Variants in STK3 observed in about 807,000 individuals in gnomAD.
STK3 encodes the protein serine/threonine-protein kinase 3.
STK3 carries 41 observed loss-of-function variants against 58.0 expected under a neutral mutation model. The ratio of observed to expected loss-of-function variants is 0.71; its 90% confidence interval spans 0.55 to 0.92. STK3 has a LOEUF of 0.92. STK3 is among the 40% of genes least tolerant of loss of function. The pLI is 0.00. For synonymous variants in STK3, 170 were observed against 191.0 expected, an observed-to-expected ratio of 0.89 and a Z score of 0.91; for missense variants, 479 against 602.7, an observed-to-expected ratio of 0.79 and a Z score of 2.15.
At chr8:98,762,553 C>T (rs1417993869) in intron 3 of STK3, among the ~76,000 whole-genome samples, 3 of 152,216 alleles carry the variant, frequency 2.0e-5, no homozygotes, top group Admixed American at 6.5e-5. Flanking sequence ...GGCACCCGGC[C>T]GAGACCCATT....
chr8:98,894,151 CT>C lies in STK3; in HGVS notation c.-78-10318del, dbSNP rs919042157. ...TCTAAGCCTCAGACATGAGCCCCCA[CT>C]TTTTTTCCTCTCTCTTCTTTCCTTG... On this transcript the variant is annotated intron_variant, in intron 1 of 1. Transcript: ENST00000519420. 2.0e-4 allele frequency among the ~76,000 whole-genome samples: 30 copies of C among 152,286 alleles called. 1 individual carries two copies. Among genetic ancestry groups the C allele is most frequent in the African/African-American group, 7.2e-4 (30 of 41,574 alleles).
intron 3 of STK3, among the ~76,000 whole-genome samples, chr8:98,872,178 T>A (rs898050863): frequency 1.6e-4 from 24 of 152,244 alleles, no homozygotes; most frequent in Non-Finnish European, 1.3e-4. Flanking sequence ...CAGCCTTGCA[T>A]CCCAGGGGTG....
intron 1 of STK3, among the ~76,000 whole-genome samples, chr8:98,385,690 G>A (rs562741620): frequency 4.6e-5 from 7 of 152,250 alleles, no homozygotes; most frequent in East Asian, 1.9e-4. Context: ...TTCAGTGGGC[G>A]GGGGGAGATG....
chr8:98,704,789 G>T (rs1041089841), intron 6 of STK3, among the ~76,000 whole-genome samples: 1 of 152,098 alleles, frequency 6.6e-6, no homozygotes, highest in Admixed American at 6.5e-5. Context: ...TATTTGGTTG[G>T]AAAAATAAGA....
intron 1 of STK3, among the ~76,000 whole-genome samples, chr8:98,792,035 G>T (rs1245640682): frequency 1.3e-5 from 2 of 152,144 alleles, no homozygotes; most frequent in Non-Finnish European, 2.9e-5. Flanking sequence ...CCCATAGAGT[G>T]GGAGAAAATC....
chr8:98,510,719 G>C (rs1484331369), intron 10 of STK3, among the ~76,000 whole-genome samples: 1 of 152,024 alleles, frequency 6.6e-6, no homozygotes, highest in Non-Finnish European at 1.5e-5. Flanking sequence ...GCTGGGAACA[G>C]GAAAAATGCT....
chr8:98,550,362 T>C (rs959908680), intron 8 of STK3, among the ~76,000 whole-genome samples: 1 of 152,092 alleles, frequency 6.6e-6, no homozygotes, highest in Admixed American at 6.5e-5. Context: ...AATCCTGAAA[T>C]CTTCCTATGT....
At chr8:98,811,596 TAA>T (rs567178137) in intron 1 of STK3, among the ~76,000 whole-genome samples, 2,441 of 140,496 alleles carry the variant, frequency 0.017, 65 homozygotes, top group African/African-American at 0.059. Flanking sequence ...TGAATACTGT[TAA>T]AAAAAAAAAA....
chr8:98,781,368 A>G (rs1832076681), intron 1 of STK3, among the ~76,000 whole-genome samples: 1 of 152,198 alleles, frequency 6.6e-6, no homozygotes. Context: ...ATCTATCTAG[A>G]GGTTTCCATG....
intron 8 of STK3, among the ~76,000 whole-genome samples, chr8:98,571,314 G>C (rs1248965153): frequency 6.6e-6 from 1 of 152,054 alleles, no homozygotes; most frequent in Non-Finnish European, 1.5e-5. Flanking sequence ...CTGGGCGAGA[G>C]AGTGAGACTC....
chr8:98,757,166 T>C (rs1056283130), intron 3 of STK3, among the ~76,000 whole-genome samples: 1 of 152,040 alleles, frequency 6.6e-6, no homozygotes, highest in East Asian at 2.0e-4. Context: ...CCTCATGATA[T>C]GTGAGTAATA....
chr8:98,694,513 A>G (rs575372597), intron 6 of STK3, among the ~76,000 whole-genome samples: 2 of 152,180 alleles, frequency 1.3e-5, no homozygotes, highest in Admixed American at 1.3e-4. Context: ...CCCGCACCCC[A>G]GAACAGTCCC....
At chr8:98,782,573 GC>G in intron 1 of STK3, 2 of 302,226 alleles carry the variant, frequency 6.6e-6, no homozygotes, top group Non-Finnish European at 6.7e-6. Flanking sequence ...GCGCCTCCAG[GC>G]CAAGAAGGAA....
At chr8:98,926,555 A>C (rs1839806179) in intron 1 of STK3, among the ~76,000 whole-genome samples, 1 of 152,146 alleles carries the variant, frequency 6.6e-6, no homozygotes, top group Admixed American at 6.6e-5. Context: ...ATACACACAC[A>C]TGCACACACA....
At chr8:98,750,379 A>T (rs931591235) in intron 3 of STK3, among the ~76,000 whole-genome samples, 8 of 152,076 alleles carry the variant, frequency 5.3e-5, no homozygotes, top group African/African-American at 1.7e-4. Flanking sequence ...AAATACTTCT[A>T]TCTAGTAATA....
intron 6 of STK3, among the ~76,000 whole-genome samples, chr8:98,693,381 A>C (rs1824560930): frequency 6.6e-6 from 1 of 152,208 alleles, no homozygotes; most frequent in South Asian, 2.1e-4. Flanking sequence ...TGACAAAGCA[A>C]GACCCTGTGA....
chr8:98,417,869 C>A (rs1051134490), intron 3 of STK3, among the ~76,000 whole-genome samples: 1 of 152,148 alleles, frequency 6.6e-6, no homozygotes, highest in African/African-American at 2.4e-5. Context: ...CCTTCCAGAA[C>A]GCCTCGCTGT....
intron 10 of STK3, among the ~76,000 whole-genome samples, chr8:98,506,640 G>A (rs1352956002): frequency 6.6e-6 from 1 of 152,016 alleles, no homozygotes; most frequent in East Asian, 1.9e-4. Flanking sequence ...GAACCCAGGA[G>A]GCAGAGGTTG....
intron 6 of STK3, among the ~76,000 whole-genome samples, chr8:98,696,493 T>A (rs1824947011): frequency 6.6e-6 from 1 of 151,986 alleles, no homozygotes; most frequent in African/African-American, 2.4e-5. Context: ...GGCTGTGGGT[T>A]TGTCATAGAT....
Sources: gnomAD v4.1 joint callset for allele counts (sites outside exome capture counted in the v4.1 genomes callset) on GRCh38, gnomAD v4.1.1 for gene constraint, MANE v1.5 for transcripts, NCBI Gene and HGNC (gene_info 2026-07-23, HGNC 2026-07-21) for gene names.